OR8B3: variants seen among roughly 807,000 people sequenced by gnomAD.
OR8B3 encodes the protein olfactory receptor family 8 subfamily B member 3.
For synonymous variants in OR8B3, 102 were observed against 135.4 expected, an observed-to-expected ratio of 0.75 and a Z score of 1.71; for missense variants, 278 against 377.6, an observed-to-expected ratio of 0.74 and a Z score of 2.19.
chr11:124,402,004 C>G (rs142786969), upstream of OR8B3, among the ~76,000 whole-genome samples: 2 of 152,328 alleles, frequency 1.3e-5, no homozygotes, highest in African/African-American at 4.8e-5. Context: ...TGAAATAGAA[C>G]AGTGAGTACC....
At chr11:124,403,932 G>A (rs1167560705), upstream of OR8B3, among the ~76,000 whole-genome samples, 10 of 152,326 alleles carry the variant, frequency 6.6e-5, no homozygotes, top group East Asian at 1.9e-4. Context: ...CCAACACAGC[G>A]AAACCCCGTC....
upstream of OR8B3, chr11:124,399,160 G>T (rs1176916394): frequency 6.6e-6 from 1 of 152,170 alleles, no homozygotes; most frequent in Non-Finnish European, 1.5e-5. Context: ...AGGAGAAAGA[G>T]CATCTGCTCT....
Position 124,395,563 on chromosome 11 carries a change from CTT to C in OR8B3, c.*845_*846del, listed in dbSNP as rs1362915443. 1 of 152,102 alleles carries C rather than the reference CTT, an allele frequency of 6.6e-6. No homozygotes were observed. Among genetic ancestry groups the C allele is most frequent in the African/African-American group, 2.4e-5 (1 of 41,420 alleles). 9.4% of individuals were successfully genotyped at this position (152,102 alleles called of 1,614,324 possible). On this transcript the variant is annotated 3_prime_UTR_variant, in exon 2 of 2. Coordinates refer to ENST00000641139, the MANE Select transcript of OR8B3 (RefSeq NM_001005467.2). The stretch of plus-strand genomic sequence containing the variant: ...CCATTGTGTAAAATATTTCTGCTAA[CTT>C]AATGTGCAGTATTTACCTATAACGA...
At chr11:124,403,119 CAT>C (rs1203440546), upstream of OR8B3, among the ~76,000 whole-genome samples, 1 of 152,202 alleles carries the variant, frequency 6.6e-6, no homozygotes, top group Non-Finnish European at 1.5e-5. Context: ...GGACACAGCA[CAT>C]GTTTCAGAGA....
At chr11:124,406,405 C>CTA in the OR8B3 span, among the ~76,000 whole-genome samples, 1 of 152,008 alleles carries the variant, frequency 6.6e-6, no homozygotes, top group Non-Finnish European at 1.5e-5. Flanking sequence ...TCATATTCGC[C>CTA]TATATATATA....
At chr11:124,404,050 A>C in the OR8B3 span, among the ~76,000 whole-genome samples, 1 of 152,194 alleles carries the variant, frequency 6.6e-6, no homozygotes, top group African/African-American at 2.4e-5. Context: ...TGCAGTGAGC[A>C]GAGATGGCGG....
At chr11:124,403,995 C>T (rs1184079616), upstream of OR8B3, among the ~76,000 whole-genome samples, 6 of 152,172 alleles carry the variant, frequency 3.9e-5, no homozygotes, top group Non-Finnish European at 1.5e-5. Flanking sequence ...CGCCTGCAAT[C>T]CCAGGCACTC....
the OR8B3 span, among the ~76,000 whole-genome samples, chr11:124,408,114 A>G: frequency 6.6e-6 from 1 of 152,156 alleles, no homozygotes; most frequent in Admixed American, 6.5e-5. Context: ...CAGTTGATTT[A>G]TGTTTGATGA....
the OR8B3 span, among the ~76,000 whole-genome samples, chr11:124,406,828 C>T: frequency 1.5e-4 from 22 of 150,368 alleles, no homozygotes; most frequent in Admixed American, 8.0e-4. Flanking sequence ...CACACACACA[C>T]GCACAATCTT....
the OR8B3 span, among the ~76,000 whole-genome samples, chr11:124,407,327 T>C: frequency 3.9e-5 from 6 of 152,302 alleles, no homozygotes; most frequent in African/African-American, 1.2e-4. Flanking sequence ...TCTTCATTTC[T>C]CTCTCCATTT....
At chr11:124,403,079 G>C (rs1341168730), upstream of OR8B3, among the ~76,000 whole-genome samples, 1 of 152,152 alleles carries the variant, frequency 6.6e-6, no homozygotes, top group Non-Finnish European at 1.5e-5. Context: ...AGCACATCTT[G>C]CACCGCCCTT....
chr11:124,404,728 G>C, the OR8B3 span: 3 of 152,296 alleles, frequency 2.0e-5, no homozygotes, highest in African/African-American at 7.2e-5. Context: ...TCAACGACTA[G>C]TCCATTATCT....
chr11:124,408,761 G>A, the OR8B3 span, among the ~76,000 whole-genome samples: 2 of 152,140 alleles, frequency 1.3e-5, no homozygotes, highest in Non-Finnish European at 2.9e-5. Context: ...AGGCATGGAA[G>A]GCGCCTCCCC....
In OR8B3 at chr11:124,397,177, T is replaced by C; in HGVS notation, c.175A>G (p.Met59Val). The C allele has an allele frequency of 1.2e-5, 20 of 1,611,934 alleles. No homozygotes were observed. The highest frequency in any genetic ancestry group is 3.3e-4 in the Middle Eastern group (2 of 6,056). The change falls in exon 2 of 2, where the codon ATG becomes GTG. Residue 59 changes from methionine (M) to valine (V), a missense_variant. Physicochemically the swap from Met to Val is conservative, Grantham distance 21. Transcript: ENST00000641139. The part of the protein sequence containing the change: ...FGLNSHLHTP[M>V]YYFLFNLSFI... ...GAGAGATTGAAGAGGAAATAGTACA[T>C]TGGTGTGTGGAGGTGAGAATTTAGA... is the stretch of plus-strand genomic sequence containing the variant.
At chr11:124,402,751 A>C (rs1861015442), upstream of OR8B3, among the ~76,000 whole-genome samples, 1 of 152,184 alleles carries the variant, frequency 6.6e-6, no homozygotes, top group African/African-American at 2.4e-5. Context: ...AGGCCTTCAG[A>C]TTTCTGCATG....
upstream of OR8B3, among the ~76,000 whole-genome samples, chr11:124,402,896 A>G (rs1861019153): frequency 6.6e-6 from 1 of 151,188 alleles, no homozygotes; most frequent in African/African-American, 2.4e-5. Context: ...TGGCAGGGTC[A>G]TAGGACAATA....
intron 1 of OR8B3, among the ~76,000 whole-genome samples, chr11:124,398,091 A>C (rs1189529163): frequency 6.6e-6 from 1 of 152,130 alleles, no homozygotes; most frequent in Non-Finnish European, 1.5e-5. Flanking sequence ...TAGGGCAGAG[A>C]CCATACCGAT....
chr11:124,399,349 C>T (rs1416237573), upstream of OR8B3, among the ~76,000 whole-genome samples: 1 of 152,090 alleles, frequency 6.6e-6, no homozygotes, highest in Non-Finnish European at 1.5e-5. Context: ...TTGCATACTT[C>T]ATAGGCATAA....
chr11:124,403,822 C>T (rs902460518), upstream of OR8B3, among the ~76,000 whole-genome samples: 4 of 152,210 alleles, frequency 2.6e-5, no homozygotes, highest in Non-Finnish European at 4.4e-5. Flanking sequence ...GCCTGGGCAA[C>T]ATTGAGCACT....
Sources: allele counts gnomAD v4.1 joint callset (sites outside exome capture counted in the v4.1 genomes callset), GRCh38; gene constraint gnomAD v4.1.1; transcripts MANE v1.5; gene names NCBI Gene and HGNC (gene_info 2026-07-23, HGNC 2026-07-21).